Variants in MIGA1 observed in about 807,000 individuals in gnomAD.
MIGA1 encodes the protein mitoguardin 1.
In MIGA1, 58 loss-of-function variants were observed where a neutral mutation model predicts 82.0. The observed-to-expected ratio is 0.71, with a 90% CI of 0.57 to 0.88. The LOEUF (loss-of-function observed/expected upper bound fraction) is 0.88, where lower values mean the gene tolerates loss of function less well. Ranked by LOEUF, MIGA1 falls within the 40% of genes least tolerant of loss-of-function variation. The pLI is 0.00. For synonymous variants in MIGA1, 249 were observed against 253.6 expected, an observed-to-expected ratio of 0.98 and a Z score of 0.17; for missense variants, 751 against 749.1, an observed-to-expected ratio of 1.00 and a Z score of -0.03.
At chr1:77,823,213 C>CT (rs879872245) in intron 7 of MIGA1, among the ~76,000 whole-genome samples, 34 of 146,578 alleles carry the variant, frequency 2.3e-4, no homozygotes, top group African/African-American at 2.7e-4. Context: ...GTCTATTCTC[C>CT]TTTTTTTTTT....
At chr1:77,836,216 C>G (rs543527516) in intron 7 of MIGA1, among the ~76,000 whole-genome samples, 1 of 152,014 alleles carries the variant, frequency 6.6e-6, no homozygotes, top group South Asian at 2.1e-4. Flanking sequence ...AAGTAAAGTC[C>G]CTCCACTCAA....
chr1:77,809,526 GA>G (rs1683234314), intron 5 of MIGA1, among the ~76,000 whole-genome samples: 1 of 151,894 alleles, frequency 6.6e-6, no homozygotes, highest in Admixed American at 6.6e-5. Flanking sequence ...CTTGAGCACA[GA>G]AGTACAAGAC....
intron 1 of MIGA1, among the ~76,000 whole-genome samples, chr1:77,782,304 C>T (rs1205893658): frequency 6.6e-6 from 1 of 152,162 alleles, no homozygotes; most frequent in Non-Finnish European, 1.5e-5. Flanking sequence ...TAGGCGTTTT[C>T]TTGGCCTGAA....
At chr1:77,815,006 A>T in intron 6 of MIGA1, 102 bp from the exon 7 acceptor site, 1 of 790,534 alleles carries the variant, frequency 1.3e-6, no homozygotes, top group Non-Finnish European at 1.8e-6. Flanking sequence ...TTGTTTTTTT[A>T]TATTACTCAC....
At chr1:77,811,003 A>T in intron 5 of MIGA1, 1 of 1,612,682 alleles carries the variant, frequency 6.2e-7, no homozygotes, top group East Asian at 2.2e-5. Flanking sequence ...CATCTCCATG[A>T]AAGCAAAACA....
chr1:77,808,130 C>CT (rs754585009), intron 5 of MIGA1, among the ~76,000 whole-genome samples: 1,399 of 137,020 alleles, frequency 0.01, 10 homozygotes, highest in Admixed American at 0.013. Context: ...ACCTTTCTCT[C>CT]TTTTTTTTTT....
At chr1:77,822,961 A>G (rs1033344386) in intron 7 of MIGA1, among the ~76,000 whole-genome samples, 2 of 150,576 alleles carry the variant, frequency 1.3e-5, no homozygotes, top group East Asian at 2.0e-4. Flanking sequence ...TCCTGCCTCA[A>G]CCTCCCGAAT....
chr1:77,868,938 TTA>T (rs1360595611), intron 14 of MIGA1, among the ~76,000 whole-genome samples: 3 of 149,288 alleles, frequency 2.0e-5, no homozygotes, highest in African/African-American at 7.7e-5. Flanking sequence ...TTTAATTTAT[TTA>T]TTTTTTTTTT....
rs771508417 is a variant in MIGA1, at chr1:77,783,303, G to A, written c.147G>A (p.Ala49=). 10 of 1,603,092 alleles carry A rather than the reference G, an allele frequency of 6.2e-6. No homozygotes were observed. The highest frequency in any genetic ancestry group is 5.6e-5 in the South Asian group (5 of 89,590). ...CACAGTTTTCCTTGAAGACAGCAGC[G>A]CTAAGAGTGTTTGATCTTCCTCTGA... is the stretch of plus-strand genomic sequence containing the variant. Residue 49 remains alanine (A), a synonymous_variant, in exon 2 of 16, where the codon GCG becomes GCA. Coordinates refer to ENST00000370791, the MANE Select transcript of MIGA1 (RefSeq NM_198549.4).
At chr1:77,845,464 T>C (rs938091987) in intron 8 of MIGA1, among the ~76,000 whole-genome samples, 8 of 152,182 alleles carry the variant, frequency 5.3e-5, no homozygotes, top group African/African-American at 1.9e-4. Context: ...TAAGTGTTCA[T>C]TGTACTCACT....
intron 7 of MIGA1, among the ~76,000 whole-genome samples, chr1:77,823,684 C>T (rs1047970058): frequency 3.9e-5 from 6 of 152,208 alleles, no homozygotes; most frequent in Admixed American, 1.3e-4. Flanking sequence ...CCTGCCTCAG[C>T]CTCCTGAGTA....
chr1:77,864,505 G>C (rs1052068917), intron 13 of MIGA1, among the ~76,000 whole-genome samples: 1 of 150,308 alleles, frequency 6.7e-6, no homozygotes, highest in African/African-American at 2.5e-5. Context: ...GTGAAAGGCT[G>C]TCTCTTTTAA....
At chr1:77,845,591 A>G (rs1047757322) in intron 8 of MIGA1, among the ~76,000 whole-genome samples, 2 of 152,208 alleles carry the variant, frequency 1.3e-5, no homozygotes. Context: ...GAATGCTTCC[A>G]TGGTATAAAT....
At chr1:77,812,463 A>G (rs563461390) in intron 5 of MIGA1, among the ~76,000 whole-genome samples, 14 of 152,288 alleles carry the variant, frequency 9.2e-5, no homozygotes, top group East Asian at 5.8e-4. Context: ...ATAAATAAAT[A>G]AATGAATAAC....
chr1:77,851,935 G>A (rs1056910757), intron 8 of MIGA1, among the ~76,000 whole-genome samples: 4 of 141,098 alleles, frequency 2.8e-5, no homozygotes, highest in Admixed American at 2.2e-4. Flanking sequence ...GGAGTGTAGT[G>A]GTGTGATCTC....
chr1:77,811,930 C>G, intron 5 of MIGA1: 1 of 1,419,098 alleles, frequency 7.0e-7, no homozygotes, highest in Non-Finnish European at 9.2e-7. Context: ...CCGCCCAAGC[C>G]CATTTTGCAT....
intron 13 of MIGA1, among the ~76,000 whole-genome samples, chr1:77,865,794 C>CTT (rs577015469): frequency 7.0e-6 from 1 of 142,834 alleles, no homozygotes; most frequent in Non-Finnish European, 1.5e-5. Flanking sequence ...TATTATTTTA[C>CTT]TTTTTTTTTT....
intron 2 of MIGA1, among the ~76,000 whole-genome samples, chr1:77,800,739 T>A (rs1682844439): frequency 6.6e-6 from 1 of 152,214 alleles, no homozygotes; most frequent in South Asian, 2.1e-4. Flanking sequence ...ATACGCAAAA[T>A]GCAAGATCTG....
chr1:77,858,072 C>T (rs1357530715), intron 8 of MIGA1, among the ~76,000 whole-genome samples: 1 of 151,996 alleles, frequency 6.6e-6, no homozygotes, highest in Non-Finnish European at 1.5e-5. Flanking sequence ...TATTGCTGGC[C>T]AGACGCGGTG....
Sources: allele counts gnomAD v4.1 joint callset (sites outside exome capture counted in the v4.1 genomes callset), GRCh38; gene constraint gnomAD v4.1.1; transcripts MANE v1.5; gene names NCBI Gene and HGNC (gene_info 2026-07-23, HGNC 2026-07-21).